The following DOCK3 variants were observed in gnomAD, a reference collection of about 807,000 sequenced individuals.
DOCK3 encodes dedicator of cytokinesis protein 3.
A neutral mutation model predicts 265.6 loss-of-function variants in DOCK3; 60 were observed. The ratio of observed to expected loss-of-function variants is 0.23; its 90% CI spans 0.18 to 0.28. The LOEUF is 0.28. DOCK3 is among the 10% of genes least tolerant of loss of function. The pLI is 1.00. For missense variants in DOCK3, 1,981 were observed against 2,594.3 expected (o/e 0.76, Z 5.14); for synonymous variants, 881 against 938.0 (o/e 0.94, Z 1.11).
chr3:51,228,049 C>A lies in DOCK3; in HGVS notation c.1608C>A (p.Thr536=). The A allele has an allele frequency of 6.2e-7, 1 of 1,614,024 alleles. No homozygotes were observed. The highest frequency in any genetic ancestry group is 8.5e-7 in the Non-Finnish European group (1 of 1,179,890). ...CAACCCTGATGCGTGATGATGGCACCACCCTCTCAGATGATATTCACGAGC... is the reference window on the plus strand; with the variant it reads ...CAACCCTGATGCGTGATGATGGCACAACCCTCTCAGATGATATTCACGAGC... ...AFSTLMRDDG[T]TLSDDIHELY... Residue 536 remains threonine (T), a synonymous_variant, in exon 17 of 53, where the codon ACC becomes ACA. Coordinates refer to ENST00000266037, the MANE Select transcript of DOCK3 (RefSeq NM_004947.5).
At chr3:50,801,308 T>G (rs1053716242) in intron 2 of DOCK3, among the ~76,000 whole-genome samples, 1 of 151,908 alleles carries the variant, frequency 6.6e-6, no homozygotes, top group Non-Finnish European at 1.5e-5. Context: ...TTAAAGAGAG[T>G]GACCTGGTGA....
intron 3 of DOCK3, among the ~76,000 whole-genome samples, chr3:50,854,299 A>G (rs1359167090): frequency 6.6e-6 from 1 of 151,862 alleles, no homozygotes; most frequent in Non-Finnish European, 1.5e-5. Context: ...TGTAGAAGCT[A>G]TTTAGTTTAA....
In DOCK3 at chr3:51,381,226, G is replaced by C. The variant is rs1278319114; in HGVS notation, c.5760G>C (p.Gln1920His). The C allele has an allele frequency of 6.2e-7, 1 of 1,613,796 alleles. No individual in the cohort carries two copies. The highest frequency in any genetic ancestry group is 8.5e-7 in the Non-Finnish European group (1 of 1,179,878). The change falls in exon 53 of 53, where the codon CAG becomes CAC. Residue 1920 changes from glutamine (Q) to histidine (H), a missense_variant. By Grantham distance (24) the Gln-to-His change is conservative (BLOSUM62 0). This residue lies in a region of DOCK3 where 1,357 missense variants were observed against 1,866.8 expected (regional missense o/e 0.73). Coordinates refer to ENST00000266037, the MANE Select transcript of DOCK3 (RefSeq NM_004947.5). This position sits in a 1 kb window ranked among gnomAD's most constrained non-coding sequence, Gnocchi z 5.6. ...ACACCATGGACTCCATGCCAAGTCA[G>C]GCCTGGAATGCTGACGAAGATCTTG... ...RTDTMDSMPS[Q>H]AWNADEDLEP...
Position 51,357,747 on chromosome 3 carries a change from TC to T in DOCK3, c.4684-9del, listed in dbSNP as rs757430004. The T allele has an allele frequency of 1.1e-5, 18 of 1,613,858 alleles. No homozygotes were observed. Among genetic ancestry groups the T allele is most frequent in the Non-Finnish European group, 1.4e-5 (17 of 1,179,886 alleles). On this transcript the variant is annotated splice_polypyrimidine_tract_variant and intron_variant, in intron 44 of 52. Coordinates refer to ENST00000266037, the MANE Select transcript of DOCK3 (RefSeq NM_004947.5). ...GGAAGAGTCTTCCTGACTTGGCCTTTCCTTTCACAGGCCTTCTTTGATAAAG... is the reference window on the plus strand; with the variant it reads ...GGAAGAGTCTTCCTGACTTGGCCTTTCTTTCACAGGCCTTCTTTGATAAAG...
intron 5 of DOCK3, among the ~76,000 whole-genome samples, chr3:51,049,372 T>A (rs1320508141): frequency 6.6e-6 from 1 of 152,056 alleles, no homozygotes; most frequent in Admixed American, 6.6e-5. Flanking sequence ...TTACTTACAG[T>A]GTATTTTAAT....
At chr3:50,945,733 A>G (rs2076409116) in intron 5 of DOCK3, among the ~76,000 whole-genome samples, 1 of 152,156 alleles carries the variant, frequency 6.6e-6, no homozygotes, top group African/African-American at 2.4e-5. Flanking sequence ...ACATTTTTGC[A>G]CCTTTATATA....
chr3:51,244,962 G>T (rs2108549805), intron 21 of DOCK3, among the ~76,000 whole-genome samples: 1 of 152,232 alleles, frequency 6.6e-6, no homozygotes, highest in African/African-American at 2.4e-5. Context: ...AAATGTCAAA[G>T]AATATAAAAA....
chr3:51,228,369 A>G lies in DOCK3; in HGVS notation c.1647+281A>G, dbSNP rs140781991. 1.1e-4 allele frequency among the ~76,000 whole-genome samples: 17 copies of G among 152,338 alleles called. No individual in the cohort carries two copies. In the East Asian group the frequency reaches 3.3e-3, roughly 29 times the overall value. The stretch of plus-strand genomic sequence containing the variant: ...TTGCCATTGTGGTCTTGTTTAGTAC[A>G]TTCTTAGACCTGCTATTTGAGATCA... On this transcript the variant is annotated intron_variant, in intron 17 of 52. Coordinates refer to ENST00000266037, the MANE Select transcript of DOCK3 (RefSeq NM_004947.5).
Position 51,229,430 on chromosome 3 carries a change from AAC to A in DOCK3, c.1820-80_1820-79del. The stretch of plus-strand genomic sequence containing the variant: ...CATACAACCGCACTCCAGCCTGGGC[AAC>A]AGAGTGAGACTCCGTCTAAAAAAAA... On this transcript the variant is annotated intron_variant, in intron 18 of 52. Coordinates refer to ENST00000266037, the MANE Select transcript of DOCK3 (RefSeq NM_004947.5). 2.9e-6 allele frequency: 3 copies of A among 1,024,420 alleles called. No individual in the cohort carries two copies. In the South Asian group the frequency reaches 6.6e-5, roughly 23 times the overall value. 63.5% of individuals were successfully genotyped at this position (1,024,420 alleles called of 1,614,324 possible). A position where few individuals can be genotyped will look rare whatever the true frequency, so the allele number is the denominator to read the frequency against.
chr3:50,857,318 G>C (rs1189002891), intron 3 of DOCK3, among the ~76,000 whole-genome samples: 1 of 151,966 alleles, frequency 6.6e-6, no homozygotes, highest in South Asian at 2.1e-4. Flanking sequence ...TTTTTTGCTT[G>C]GTAGGTTTTT....
At chr3:50,700,481 A>G (rs1213658190) in intron 1 of DOCK3, among the ~76,000 whole-genome samples, 1 of 152,078 alleles carries the variant, frequency 6.6e-6, no homozygotes, top group Non-Finnish European at 1.5e-5. Flanking sequence ...CTCTACATCC[A>G]TGAGATCCAT....
chr3:50,891,762 G>A (rs1339396040), intron 4 of DOCK3, among the ~76,000 whole-genome samples: 1 of 152,040 alleles, frequency 6.6e-6, no homozygotes, highest in East Asian at 1.9e-4. Context: ...TGAAATCTAG[G>A]GATGCAGAAA....
At chr3:50,678,899 T>C (rs2107651107) in intron 1 of DOCK3, among the ~76,000 whole-genome samples, 1 of 152,156 alleles carries the variant, frequency 6.6e-6, no homozygotes, top group Middle Eastern at 3.4e-3. Flanking sequence ...AAGCTCTGCC[T>C]CCCAGGTTCA....
At chr3:51,082,220 A>G (rs1197188565) in intron 7 of DOCK3, among the ~76,000 whole-genome samples, 4 of 151,974 alleles carry the variant, frequency 2.6e-5, no homozygotes, top group Non-Finnish European at 5.9e-5. Flanking sequence ...GAGGTACCAC[A>G]GAGACACCAC....
intron 3 of DOCK3, among the ~76,000 whole-genome samples, chr3:50,854,754 C>G (rs1166653760): frequency 6.6e-6 from 1 of 151,540 alleles, no homozygotes; most frequent in Non-Finnish European, 1.5e-5. Context: ...TCTAGGATTG[C>G]TATAGTTTCA....
rs2090301085 is a variant in DOCK3, at chr3:51,225,763, A to G, written c.1367A>G (p.Glu456Gly). Reference sequence around the variant, plus strand: ...ATGTATGTGCTTTATGCAGATGGAGAAATCTTGAAGGTAAGGCTTGCCAGT... The same window carrying G: ...ATGTATGTGCTTTATGCAGATGGAGGAATCTTGAAGGTAAGGCTTGCCAGT... The part of the protein sequence containing the change: ...VTMYVLYADG[E>G]ILKDCISLGS... Residue 456 changes from glutamate (E) to glycine (G), a missense_variant, in exon 15 of 53, where the codon GAA becomes GGA. By Grantham distance (98) the Glu-to-Gly change is moderately conservative. Coordinates refer to ENST00000266037, the MANE Select transcript of DOCK3 (RefSeq NM_004947.5). 1 of 1,611,762 alleles carries G rather than the reference A, an allele frequency of 6.2e-7. No homozygotes were observed. Among genetic ancestry groups the G allele is most frequent in the Non-Finnish European group, 8.5e-7 (1 of 1,179,052 alleles).
intron 5 of DOCK3, among the ~76,000 whole-genome samples, chr3:51,043,985 A>G (rs1321033588): frequency 6.6e-6 from 1 of 152,230 alleles, no homozygotes; most frequent in Non-Finnish European, 1.5e-5. Flanking sequence ...TTGGGAGTGT[A>G]AGTTAATTCA....
intron 22 of DOCK3, among the ~76,000 whole-genome samples, chr3:51,257,233 T>C (rs1292782446): frequency 1.3e-5 from 2 of 152,244 alleles, no homozygotes; most frequent in Non-Finnish European, 2.9e-5. Flanking sequence ...GATTTCAGCT[T>C]ATAAGTCTCC....
intron 5 of DOCK3, among the ~76,000 whole-genome samples, chr3:51,044,875 AAGG>A (rs1417046264): frequency 3.3e-5 from 5 of 152,176 alleles, no homozygotes; most frequent in Non-Finnish European, 7.4e-5. Flanking sequence ...TCATAGAATT[AAGG>A]AGAATTAGTG....
Sources: gnomAD v4.1 joint callset for allele counts (sites outside exome capture counted in the v4.1 genomes callset) on GRCh38, gnomAD v4.1.1 for gene constraint, gnomAD v4.1.1 regional missense constraint, Gnocchi (gnomAD v3.1) non-coding constraint, MANE v1.5 for transcripts, NCBI Gene and HGNC (gene_info 2026-07-23, HGNC 2026-07-21) for gene names.